The following PRELID2 variants were observed in gnomAD, a reference collection of about 807,000 sequenced individuals.
PRELID2 encodes PRELI domain containing 2.
PRELID2 carries 25 observed loss-of-function variants against 28.4 expected under a neutral mutation model. The observed-to-expected ratio is 0.88, with a 90% CI of 0.64 to 1.23. The LOEUF is 1.23. PRELID2 is among the 50% of genes most tolerant of loss of function. The pLI is 0.00. For missense variants in PRELID2, 201 were observed against 214.4 expected, an observed-to-expected ratio of 0.94 and a Z score of 0.39; for synonymous variants, 76 against 71.6, an observed-to-expected ratio of 1.06 and a Z score of -0.31.
chr5:145,609,765 G>A (rs1376928568), intron 1 of PRELID2, among the ~76,000 whole-genome samples: 1 of 152,210 alleles, frequency 6.6e-6, no homozygotes, highest in Non-Finnish European at 1.5e-5. Flanking sequence ...AACTCTAGCG[G>A]GCATTTCCTG....
At chr5:145,428,713 G>A in the PRELID2 span, among the ~76,000 whole-genome samples, 1 of 152,176 alleles carries the variant, frequency 6.6e-6, no homozygotes, top group Non-Finnish European at 1.5e-5. Context: ...GTGAGATGCA[G>A]AGATAGTTTA....
the PRELID2 span, among the ~76,000 whole-genome samples, chr5:145,375,141 T>A: frequency 6.6e-6 from 1 of 152,270 alleles, no homozygotes; most frequent in African/African-American, 2.4e-5. Context: ...TGTTTGAGGA[T>A]GCTGACCCTT....
chr5:145,612,146 G>T (rs966281051), intron 1 of PRELID2, among the ~76,000 whole-genome samples: 5 of 151,980 alleles, frequency 3.3e-5, no homozygotes, highest in Admixed American at 3.3e-4. Flanking sequence ...GATTCCAGGT[G>T]AATTATAAAC....
At chr5:145,416,898 A>G in the PRELID2 span, among the ~76,000 whole-genome samples, 5 of 152,046 alleles carry the variant, frequency 3.3e-5, no homozygotes, top group African/African-American at 1.2e-4. Context: ...GAGTCAAAGA[A>G]AGTCCCTTCT....
chr5:145,782,111 T>C (rs1048694316), intron 5 of PRELID2, among the ~76,000 whole-genome samples: 17 of 152,140 alleles, frequency 1.1e-4, no homozygotes, highest in Admixed American at 6.5e-4. Flanking sequence ...AGTCTCATAT[T>C]AAGTGTTTTG....
intron 1 of PRELID2, among the ~76,000 whole-genome samples, chr5:145,655,687 G>C (rs1005840867): frequency 1.3e-5 from 2 of 152,130 alleles, no homozygotes; most frequent in Non-Finnish European, 2.9e-5. Flanking sequence ...TGGGAAAACT[G>C]GCAAGCCATA....
intron 1 of PRELID2, among the ~76,000 whole-genome samples, chr5:145,528,714 CACACACACACACAG>C (rs903466123): frequency 3.0e-5 from 4 of 131,618 alleles, no homozygotes; most frequent in African/African-American, 5.9e-5. Flanking sequence ...CACACACACA[CACACACACACACAG>C]AGAGAGAGAG....
intron 4 of PRELID2, among the ~76,000 whole-genome samples, chr5:145,802,434 G>A (rs780235925): frequency 2.6e-5 from 4 of 152,078 alleles, no homozygotes; most frequent in South Asian, 4.1e-4. Context: ...AAAGACTAGC[G>A]CACGGTAGGA....
At chr5:145,652,493 C>T (rs1265801013) in intron 1 of PRELID2, among the ~76,000 whole-genome samples, 1 of 152,186 alleles carries the variant, frequency 6.6e-6, no homozygotes, top group Admixed American at 6.5e-5. Flanking sequence ...TTAAGGGCAG[C>T]CAGAGAGAAA....
intron 1 of PRELID2, among the ~76,000 whole-genome samples, chr5:145,646,251 AATCTT>A (rs548523995): frequency 4.6e-5 from 7 of 152,014 alleles, no homozygotes; most frequent in African/African-American, 1.7e-4. Context: ...TTTTTTCTCT[AATCTT>A]TTCTTCTCAC....
the PRELID2 span, among the ~76,000 whole-genome samples, chr5:145,262,954 A>G: frequency 6.6e-6 from 1 of 152,206 alleles, no homozygotes. Context: ...CTCACCTGAC[A>G]TATAGGGACT....
At chr5:145,455,632 T>C in the PRELID2 span, among the ~76,000 whole-genome samples, 1 of 152,248 alleles carries the variant, frequency 6.6e-6, no homozygotes, top group Non-Finnish European at 1.5e-5. Context: ...AGCAGTGGTT[T>C]GTAGTTCTCT....
At chr5:145,587,657 A>G (rs2149628787) in intron 1 of PRELID2, among the ~76,000 whole-genome samples, 1 of 152,282 alleles carries the variant, frequency 6.6e-6, no homozygotes, top group South Asian at 2.1e-4. Context: ...TTTATTAGCT[A>G]TTCCTTGTGG....
intron 1 of PRELID2, among the ~76,000 whole-genome samples, chr5:145,669,859 C>G (rs1221784768): frequency 6.6e-6 from 1 of 152,132 alleles, no homozygotes; most frequent in Non-Finnish European, 1.5e-5. Flanking sequence ...TAAACCATCT[C>G]TTCCTCAGAG....
intron 1 of PRELID2, among the ~76,000 whole-genome samples, chr5:145,652,465 G>T (rs181954835): frequency 1.2e-3 from 185 of 152,288 alleles, no homozygotes; most frequent in African/African-American, 4.4e-3. Flanking sequence ...CACCAAAGTT[G>T]CAATGAAGGA....
At chr5:145,367,765 A>G in the PRELID2 span, among the ~76,000 whole-genome samples, 2 of 151,790 alleles carry the variant, frequency 1.3e-5, no homozygotes, top group African/African-American at 4.8e-5. Flanking sequence ...TGTCTTCCCC[A>G]TATCTTTTCA....
chr5:145,368,457 C>G, the PRELID2 span, among the ~76,000 whole-genome samples: 1 of 151,836 alleles, frequency 6.6e-6, no homozygotes, highest in African/African-American at 2.4e-5. Context: ...AAGCCCATAC[C>G]CCACGTCACT....
At chr5:145,240,383 T>C in the PRELID2 span, among the ~76,000 whole-genome samples, 1 of 151,982 alleles carries the variant, frequency 6.6e-6, no homozygotes, top group Non-Finnish European at 1.5e-5. Flanking sequence ...AAGGTTTTCC[T>C]ATACAAATAT....
chr5:145,531,187 G>C (rs570097472), intron 1 of PRELID2, among the ~76,000 whole-genome samples: 1 of 152,188 alleles, frequency 6.6e-6, no homozygotes, highest in African/African-American at 2.4e-5. Flanking sequence ...CATGCAGCCC[G>C]TGTGCATTGT....
Sources: gnomAD v4.1 joint callset for allele counts (sites outside exome capture counted in the v4.1 genomes callset) on GRCh38, gnomAD v4.1.1 for gene constraint, MANE v1.5 for transcripts, NCBI Gene and HGNC (gene_info 2026-07-23, HGNC 2026-07-21) for gene names.